Variants in SLCO1B1 observed in about 807,000 individuals in gnomAD.
SLCO1B1 encodes OATP-2.
Under a neutral mutation model 70.1 loss-of-function variants are expected in SLCO1B1, and 81 were observed. The ratio of observed to expected loss-of-function variants is 1.16; its 90% CI spans 0.97 to 1.39. SLCO1B1 has a LOEUF of 1.39. Among genes scored for constraint, SLCO1B1 ranks in the 40% most tolerant of loss-of-function variants. The probability of loss-of-function intolerance (pLI) is 0.00; values close to 1 mark genes in which losing one functional copy is unlikely to be tolerated. For missense variants in SLCO1B1, 895 were observed against 799.6 expected (o/e 1.12, Z -1.44); for synonymous variants, 283 against 271.5 (o/e 1.04, Z -0.42).
chr12:21,231,867 A>G (rs560497766), intron 14 of SLCO1B1, among the ~76,000 whole-genome samples: 1 of 152,060 alleles, frequency 6.6e-6, no homozygotes, highest in African/African-American at 2.4e-5. Context: ...AAAATCCTTT[A>G]TATCTCTTAT....
intron 11 of SLCO1B1, among the ~76,000 whole-genome samples, chr12:21,210,968 A>G (rs572984292): frequency 0.13 from 19,973 of 151,454 alleles, 1,524 homozygotes; most frequent in Non-Finnish European, 0.18. Context: ...GGGCTGAGAC[A>G]ATGGGGTTTT....
chr12:21,173,187 A>G (rs1308605568), intron 3 of SLCO1B1, among the ~76,000 whole-genome samples: 1 of 152,220 alleles, frequency 6.6e-6, no homozygotes, highest in Non-Finnish European at 1.5e-5. Context: ...ATCTTTTCAG[A>G]GCAACCTACG....
At chr12:21,131,395 C>T (rs1940131736) in intron 1 of SLCO1B1, among the ~76,000 whole-genome samples, 159 bp downstream of exon 1, 1 of 151,944 alleles carries the variant, frequency 6.6e-6, no homozygotes. Flanking sequence ...AATATTCCTT[C>T]TGGGAGTAGA....
intron 11 of SLCO1B1, among the ~76,000 whole-genome samples, chr12:21,214,680 T>A (rs1464042982): frequency 6.6e-6 from 1 of 151,838 alleles, no homozygotes. Flanking sequence ...CGCCTTGCAG[T>A]TTGATCTCAG....
intron 2 of SLCO1B1, among the ~76,000 whole-genome samples, chr12:21,161,344 A>T (rs7966140): frequency 6.6e-6 from 1 of 152,172 alleles, no homozygotes; most frequent in South Asian, 2.1e-4. Flanking sequence ...AAAGAACAAG[A>T]TCATGTCTTT....
intron 7 of SLCO1B1, among the ~76,000 whole-genome samples, chr12:21,191,667 T>C (rs1436012274): frequency 6.6e-6 from 1 of 152,126 alleles, no homozygotes; most frequent in Non-Finnish European, 1.5e-5. Context: ...ATGGCAGGAC[T>C]GTGTTGAATA....
chr12:21,203,846 C>A (rs1265441008), intron 10 of SLCO1B1, among the ~76,000 whole-genome samples: 1 of 152,018 alleles, frequency 6.6e-6, no homozygotes, highest in Non-Finnish European at 1.5e-5. Context: ...CACACAATGT[C>A]TTTAGACTCT....
At chr12:21,234,340 G>C (rs1941574308) in intron 14 of SLCO1B1, among the ~76,000 whole-genome samples, 1 of 152,142 alleles carries the variant, frequency 6.6e-6, no homozygotes, top group South Asian at 2.1e-4. Context: ...TTTTACAATA[G>C]TGCTGTTATC....
At chr12:21,157,894 C>T (rs1940562959) in intron 2 of SLCO1B1, among the ~76,000 whole-genome samples, 1 of 151,988 alleles carries the variant, frequency 6.6e-6, no homozygotes, top group Admixed American at 6.6e-5. Flanking sequence ...GCCACCGTGC[C>T]CGGCCAAGAC....
chr12:21,187,870 T>C (rs1940981464), intron 7 of SLCO1B1, among the ~76,000 whole-genome samples: 1 of 152,144 alleles, frequency 6.6e-6, no homozygotes. Flanking sequence ...AGCTAATTCA[T>C]ACCTCATCAG....
chr12:21,206,227 G>C (rs575615122), intron 11 of SLCO1B1, among the ~76,000 whole-genome samples, 194 bp downstream of exon 11: 1 of 151,890 alleles, frequency 6.6e-6, no homozygotes, highest in Non-Finnish European at 1.5e-5. Context: ...GGCACAATCA[G>C]GTTTTTCTGT....
At chr12:21,147,341 A>G (rs140558117) in intron 2 of SLCO1B1, among the ~76,000 whole-genome samples, 283 of 152,200 alleles carry the variant, frequency 1.9e-3, no homozygotes, top group African/African-American at 6.7e-3. Flanking sequence ...GAATGTGCAC[A>G]TTTGTTACAT....
At chr12:21,157,013 A>G (rs533128461) in intron 2 of SLCO1B1, among the ~76,000 whole-genome samples, 1 of 152,212 alleles carries the variant, frequency 6.6e-6, no homozygotes, top group Non-Finnish European at 1.5e-5. Context: ...AAACATCTTC[A>G]TGAACACACG....
At chr12:21,133,839 G>A (rs1057427798) in intron 1 of SLCO1B1, among the ~76,000 whole-genome samples, 6 of 152,086 alleles carry the variant, frequency 3.9e-5, no homozygotes, top group African/African-American at 1.4e-4. Context: ...TCTCCTGCCT[G>A]ATTGCCCTGG....
chr12:21,159,400 T>C (rs1940583728), intron 2 of SLCO1B1, among the ~76,000 whole-genome samples: 1 of 152,112 alleles, frequency 6.6e-6, no homozygotes, highest in African/African-American at 2.4e-5. Flanking sequence ...TTGAATTAGA[T>C]AAACTTATAT....
At position 21,224,823 on chromosome 12, in the gene SLCO1B1, A is replaced by G. The variant is rs1307963161; in HGVS notation, c.1849A>G (p.Asn617Asp). 3.2e-6 allele frequency: 5 copies of G among 1,584,480 alleles called. No homozygotes were observed. The highest frequency in any genetic ancestry group is 2.2e-5 in the East Asian group (1 of 44,460). The change falls in exon 14 of 15, where the codon AAT (asparagine) becomes GAT (aspartate). Residue 617 changes from asparagine (N) to aspartate (D), a missense_variant. Asn to Asp is a conservative substitution (Grantham distance 23). Transcript: ENST00000256958. ...CACACGTGGGTCATGTAGGACATATAATTCCACATCATTTTCGTAAGTTGT... is the reference window on the plus strand; with the variant it reads ...CACACGTGGGTCATGTAGGACATATGATTCCACATCATTTTCGTAAGTTGT... ...CGTRGSCRTYNSTSFSRVYLG... is the reference protein window; with the variant it reads ...CGTRGSCRTYDSTSFSRVYLG...
At chr12:21,175,761 C>A (rs1940812069) in intron 4 of SLCO1B1, among the ~76,000 whole-genome samples, 1 of 151,902 alleles carries the variant, frequency 6.6e-6, no homozygotes, top group East Asian at 1.9e-4. Flanking sequence ...CTGCTTTTGG[C>A]ACCATACCGT....
intron 4 of SLCO1B1, among the ~76,000 whole-genome samples, chr12:21,176,139 A>G (rs997501995): frequency 2.0e-5 from 3 of 152,050 alleles, no homozygotes; most frequent in African/African-American, 7.2e-5. Context: ...AACTTTTATC[A>G]TCTATGTTTA....
chr12:21,156,078 A>G (rs1940539280), intron 2 of SLCO1B1, among the ~76,000 whole-genome samples: 1 of 152,186 alleles, frequency 6.6e-6, no homozygotes, highest in Non-Finnish European at 1.5e-5. Flanking sequence ...GGGAAAGTAT[A>G]TAGTAATTGA....
Sources: gnomAD v4.1 joint callset for allele counts (sites outside exome capture counted in the v4.1 genomes callset) on GRCh38, gnomAD v4.1.1 for gene constraint, MANE v1.5 for transcripts, NCBI Gene and HGNC (gene_info 2026-07-23, HGNC 2026-07-21) for gene names.